Variants in PTPRN2 observed in about 807,000 individuals in gnomAD.
PTPRN2 encodes the protein protein tyrosine phosphatase receptor type N2.
PTPRN2 carries 74 observed loss-of-function variants against 118.8 expected under a neutral mutation model. The observed-to-expected ratio is 0.62, with a 90% confidence interval of 0.52 to 0.76. PTPRN2 has a LOEUF of 0.76. PTPRN2 is among the 30% of genes least tolerant of loss of function. The pLI is 0.00. For synonymous variants in PTPRN2, 641 were observed against 608.0 expected, an observed-to-expected ratio of 1.05 and a Z score of -0.80; for missense variants, 1,481 against 1,394.4, an observed-to-expected ratio of 1.06 and a Z score of -0.99.
chr7:157,617,088 C>T lies in PTPRN2; in HGVS notation c.2344+4274G>A, dbSNP rs1042063815. 8 of 152,318 alleles carry T rather than the reference C, an allele frequency of 5.3e-5. No individual in the cohort carries two copies. Among genetic ancestry groups the T allele is most frequent in the Non-Finnish European group, 1.0e-4 (7 of 68,092 alleles). 9.4% of individuals were successfully genotyped at this position (152,318 alleles called of 1,614,324 possible). ...GGATTTCAGCTCTGACGGGCGGGCT[C>T]TAAACCCCAAAGTTCTTGTCGGCCA... On this transcript the variant is annotated intron_variant, in intron 15 of 22. Coordinates refer to ENST00000389418, the MANE Select transcript of PTPRN2 (RefSeq NM_002847.5). This position sits in a 1 kb window ranked among gnomAD's most constrained non-coding sequence, Gnocchi z 7.5.
intron 3 of PTPRN2, among the ~76,000 whole-genome samples, chr7:158,224,264 G>A (rs578101150): frequency 2.6e-5 from 4 of 152,116 alleles, no homozygotes; most frequent in African/African-American, 9.7e-5. Context: ...CAAGTTATAT[G>A]GAAGAGCAAA....
chr7:157,557,100 A>G (rs946593026), intron 21 of PTPRN2, among the ~76,000 whole-genome samples: 10 of 151,104 alleles, frequency 6.6e-5, no homozygotes, highest in African/African-American at 2.4e-4. Context: ...AGATATACAC[A>G]CAGGCATGCA....
At chr7:158,355,761 C>G (rs373752455) in intron 2 of PTPRN2, among the ~76,000 whole-genome samples, 1 of 152,218 alleles carries the variant, frequency 6.6e-6, no homozygotes, top group South Asian at 2.1e-4. Context: ...CAGGAGCCAG[C>G]CTGAAGGAAG....
intron 12 of PTPRN2, among the ~76,000 whole-genome samples, chr7:157,824,561 G>A (rs1422077378): frequency 3.3e-5 from 5 of 152,152 alleles, no homozygotes; most frequent in African/African-American, 1.2e-4. Context: ...GGAAGAACTC[G>A]GTAGGAACTC....
intron 3 of PTPRN2, among the ~76,000 whole-genome samples, chr7:158,299,091 C>T (rs948311788): frequency 3.3e-5 from 5 of 152,112 alleles, no homozygotes; most frequent in African/African-American, 1.2e-4. Context: ...GTCTGGTGAG[C>T]GATGATGTCA....
chr7:158,087,279 G>A (rs1315596213), intron 10 of PTPRN2, among the ~76,000 whole-genome samples: 3 of 152,236 alleles, frequency 2.0e-5, no homozygotes, highest in Non-Finnish European at 2.9e-5. Flanking sequence ...GAATGACGTG[G>A]TTGATACAAG....
intron 3 of PTPRN2, among the ~76,000 whole-genome samples, chr7:158,225,643 A>G (rs766101203): frequency 1.3e-5 from 2 of 152,252 alleles, no homozygotes; most frequent in Non-Finnish European, 2.9e-5. Context: ...TGCAATCATT[A>G]TATAATAAAG....
chr7:158,127,212 T>C (rs906543977), intron 9 of PTPRN2, among the ~76,000 whole-genome samples: 13 of 152,168 alleles, frequency 8.5e-5, no homozygotes, highest in African/African-American at 1.9e-4. Context: ...TGGAAATCCA[T>C]TGGCTCCTCC....
intron 10 of PTPRN2, among the ~76,000 whole-genome samples, chr7:158,084,797 C>G (rs1391530068): frequency 6.8e-6 from 1 of 147,144 alleles, no homozygotes; most frequent in Non-Finnish European, 1.5e-5. Context: ...GATGCCCATC[C>G]ACACGGATGC....
intron 20 of PTPRN2, among the ~76,000 whole-genome samples, chr7:157,570,360 A>G (rs1278126357): frequency 6.6e-6 from 1 of 152,266 alleles, no homozygotes; most frequent in East Asian, 1.9e-4. Flanking sequence ...CTCTGTAAGG[A>G]TAACAAACCG....
In PTPRN2 at chr7:157,690,678, C is replaced by A. The variant is rs150363244; in HGVS notation, c.1789-7741G>T. The stretch of plus-strand genomic sequence containing the variant: ...ATCATCACAGCCAGCTGCTTCCCTG[C>A]GCTGGAGCCACAGACTAGCGGGGTC... On this transcript the variant is annotated intron_variant, in intron 12 of 22. Coordinates refer to ENST00000389418, the MANE Select transcript of PTPRN2 (RefSeq NM_002847.5). This position sits in a 1 kb window ranked among gnomAD's most constrained non-coding sequence, Gnocchi z 7.1. 0.014 allele frequency among the ~76,000 whole-genome samples: 2,056 copies of A among 151,790 alleles called. 50 individuals carry two copies. Among genetic ancestry groups the A allele is most frequent in the African/African-American group, 0.047 (1,943 of 41,482 alleles).
intron 11 of PTPRN2, among the ~76,000 whole-genome samples, chr7:158,070,795 G>GAGGTGCCCGTGGTGGTGA (rs1201118849): frequency 1.5e-5 from 2 of 130,828 alleles, no homozygotes; most frequent in Non-Finnish European, 3.2e-5. Flanking sequence ...CGTGGTGGTG[G>GAGGTGCCCGTGGTGGTGA]AGGTGCCCGT....
chr7:158,554,221 C>T (rs1826836309), intron 1 of PTPRN2, among the ~76,000 whole-genome samples: 1 of 152,194 alleles, frequency 6.6e-6, no homozygotes, highest in African/African-American at 2.4e-5. Flanking sequence ...GCTGAGATCG[C>T]GCCACTGCAC....
At chr7:158,106,399 A>G (rs1217943599) in intron 10 of PTPRN2, among the ~76,000 whole-genome samples, 1 of 152,024 alleles carries the variant, frequency 6.6e-6, no homozygotes, top group Non-Finnish European at 1.5e-5. Context: ...TCCCAGCTCC[A>G]GCGCAGTTTC....
chr7:157,829,793 G>T lies in PTPRN2; in HGVS notation c.1788+68880C>A, dbSNP rs141669135. ...GAAAAGCCCTGGCCCGACTCCTCAG[G>T]CATGATGGTACAGATGTTGACTTGG... On this transcript the variant is annotated intron_variant, in intron 12 of 22. Transcript: ENST00000389418. 2.6e-3 allele frequency among the ~76,000 whole-genome samples: 391 copies of T among 152,338 alleles called. 3 individuals carry two copies. Among genetic ancestry groups the T allele is most frequent in the African/African-American group, 9.1e-3 (378 of 41,586 alleles).
intron 11 of PTPRN2, among the ~76,000 whole-genome samples, chr7:158,077,140 A>C (rs1470260343): frequency 6.6e-6 from 1 of 152,226 alleles, no homozygotes; most frequent in African/African-American, 2.4e-5. Flanking sequence ...GCTGCGGGCT[A>C]TGGGGTCCAG....
At chr7:158,564,215 C>A (rs911187696) in intron 1 of PTPRN2, among the ~76,000 whole-genome samples, 1 of 152,130 alleles carries the variant, frequency 6.6e-6, no homozygotes, top group Non-Finnish European at 1.5e-5. Flanking sequence ...ATTTAACTAA[C>A]CTCTTGCTTA....
chr7:158,200,651 A>G (rs747289918), intron 4 of PTPRN2, among the ~76,000 whole-genome samples: 13 of 152,212 alleles, frequency 8.5e-5, no homozygotes, highest in Non-Finnish European at 1.3e-4. Flanking sequence ...GTATGGTATC[A>G]ATTAGGCCAA....
intron 6 of PTPRN2, among the ~76,000 whole-genome samples, chr7:158,149,569 G>T (rs1033898661): frequency 6.6e-6 from 1 of 152,088 alleles, no homozygotes; most frequent in East Asian, 1.9e-4. Context: ...TTTGGGGTCC[G>T]AGGTGGGTGG....
Sources: allele counts gnomAD v4.1 joint callset (sites outside exome capture counted in the v4.1 genomes callset), GRCh38; gene constraint gnomAD v4.1.1; non-coding constraint Gnocchi (gnomAD v3.1); transcripts MANE v1.5; gene names NCBI Gene and HGNC (gene_info 2026-07-23, HGNC 2026-07-21).